The following ZBTB37 variants were observed in gnomAD, a reference collection of about 807,000 sequenced individuals.
ZBTB37 encodes the protein zinc finger and BTB domain-containing protein 37.
In ZBTB37, 15 loss-of-function variants were observed where a neutral mutation model predicts 37.7. That is an observed-to-expected ratio of 0.40 (90% CI 0.27 to 0.61). The LOEUF is 0.61. Ranked by LOEUF, ZBTB37 falls within the 20% of genes least tolerant of loss-of-function variation. ZBTB37 has a pLI of 0.44. For synonymous variants in ZBTB37, 231 were observed against 220.6 expected (o/e 1.05, Z -0.42); for missense variants, 514 against 641.9 (o/e 0.80, Z 2.15).
intron 4 of ZBTB37, among the ~76,000 whole-genome samples, chr1:173,879,011 A>G (rs1266406673): frequency 6.6e-6 from 1 of 151,818 alleles, no homozygotes; most frequent in African/African-American, 2.4e-5. Context: ...GAATCGTTTG[A>G]ACCCGGGAGG....
At chr1:173,896,465 C>G (rs1197523302) in exon 4 of ZBTB37, 1 of 152,140 alleles carries the variant, frequency 6.6e-6, no homozygotes, top group Non-Finnish European at 1.5e-5. Flanking sequence ...TTGGGCCCTC[C>G]TATAGATTCT....
chr1:173,882,773 A>G (rs1039462031), intron 4 of ZBTB37, among the ~76,000 whole-genome samples: 7 of 152,270 alleles, frequency 4.6e-5, no homozygotes, highest in Admixed American at 6.5e-5. Flanking sequence ...TAAGGAAGGG[A>G]TCCAGTTTCA....
At chr1:173,884,004 T>C (rs1286496415) in intron 4 of ZBTB37, among the ~76,000 whole-genome samples, 1 of 152,226 alleles carries the variant, frequency 6.6e-6, no homozygotes, top group African/African-American at 2.4e-5. Flanking sequence ...GTTAAACATA[T>C]AATTCCCTCC....
At chr1:173,871,643 A>G (rs1157791323) in intron 3 of ZBTB37, among the ~76,000 whole-genome samples, 1 of 152,214 alleles carries the variant, frequency 6.6e-6, no homozygotes, top group Non-Finnish European at 1.5e-5. Flanking sequence ...TTAGTAAAAT[A>G]GTAATTCTGA....
intron 4 of ZBTB37, among the ~76,000 whole-genome samples, chr1:173,875,159 TGC>T (rs1332064539): frequency 2.2e-5 from 3 of 135,568 alleles, no homozygotes; most frequent in Admixed American, 8.0e-5. Flanking sequence ...TGTGTGTGTG[TGC>T]ACGTGTGTAC....
At chr1:173,878,543 C>T (rs1479970205) in intron 4 of ZBTB37, among the ~76,000 whole-genome samples, 1 of 152,194 alleles carries the variant, frequency 6.6e-6, no homozygotes, top group Non-Finnish European at 1.5e-5. Flanking sequence ...GATGGGGTCA[C>T]CAATGCCCAA....
exon 3 of ZBTB37, chr1:173,870,429 A>T: frequency 6.2e-7 from 1 of 1,614,226 alleles, no homozygotes; most frequent in East Asian, 2.2e-5. Flanking sequence ...AGATGAGTAC[A>T]GTCTCCATTT....
chr1:173,903,510 C>A, exon 4 of ZBTB37: 1 of 250,996 alleles, frequency 4.0e-6, no homozygotes, highest in Non-Finnish European at 7.9e-6. Context: ...GAACATTATG[C>A]ATGTGAGTGG....
chr1:173,871,757 A>G lies in ZBTB37; in HGVS notation c.923+609A>G, dbSNP rs149043232. ...GACTGCTGCTACCACAGGCCTGACA[A>G]TCTCCCTTTTTTTCACCAGTGCTGC... On this transcript the variant is annotated intron_variant, in intron 3 of 4. Coordinates refer to ENST00000427304, the Ensembl canonical transcript of ZBTB37. 1.8e-4 allele frequency among the ~76,000 whole-genome samples: 27 copies of G among 151,824 alleles called. No homozygotes were observed. In the East Asian group the frequency reaches 4.8e-3, roughly 27 times the overall value.
downstream of ZBTB37, chr1:173,890,717 C>T (rs2102757370): frequency 6.6e-6 from 1 of 152,256 alleles, no homozygotes; most frequent in Non-Finnish European, 1.5e-5. Context: ...AGTTTCCAGG[C>T]CAAATGCTGA....
In ZBTB37 at chr1:173,873,418, C is replaced by T. The variant is rs765454329; in HGVS notation, c.924-49C>T. 3 of 1,517,246 alleles carry T rather than the reference C, an allele frequency of 2.0e-6. No homozygotes were observed. In the South Asian group the frequency reaches 3.9e-5, roughly 20 times the overall value. The allele number at this position is 1,517,246 out of a possible 1,614,324, so 94.0% of individuals were successfully genotyped here. A position where few individuals can be genotyped will look rare whatever the true frequency, so the allele number is the denominator to read the frequency against. ...GGGCGACATCACCATTTTTCAGGTTCTTTGATGCTGCTTTTGTATTAGTCC... is the reference window on the plus strand; with the variant it reads ...GGGCGACATCACCATTTTTCAGGTTTTTTGATGCTGCTTTTGTATTAGTCC... On this transcript the variant is annotated intron_variant, in intron 3 of 4. Coordinates refer to ENST00000427304, the Ensembl canonical transcript of ZBTB37.
downstream of ZBTB37, chr1:173,891,153 C>A (rs1168038180): frequency 6.6e-6 from 1 of 152,058 alleles, no homozygotes; most frequent in Non-Finnish European, 1.5e-5. Context: ...TTAATGGTGC[C>A]GGTATTTTAA....
chr1:173,886,167 A>G (rs1656612956), exon 5 of ZBTB37: 4 of 1,513,106 alleles, frequency 2.6e-6, no homozygotes, highest in East Asian at 2.5e-5. Context: ...CCTATGAGCC[A>G]TAAGCAGCCA....
chr1:173,875,114 TTATGTGTG>T (rs1358380241), intron 4 of ZBTB37, among the ~76,000 whole-genome samples: 1 of 93,384 alleles, frequency 1.1e-5, no homozygotes, highest in Non-Finnish European at 2.1e-5. Context: ...AGTCTGATTA[TTATGTGTG>T]TGTGTGTGTG....
intron 4 of ZBTB37, among the ~76,000 whole-genome samples, chr1:173,875,061 C>T (rs1655855915): frequency 6.6e-6 from 1 of 150,730 alleles, no homozygotes; most frequent in African/African-American, 2.4e-5. Context: ...CCCAGAAAAC[C>T]ACATACAGGT....
exon 3 of ZBTB37, chr1:173,870,790 C>T: frequency 6.2e-7 from 1 of 1,614,214 alleles, no homozygotes; most frequent in Non-Finnish European, 8.5e-7. Context: ...AGAGCTAAGT[C>T]CTCCTGAGGA....
downstream of ZBTB37, chr1:173,888,616 CGGTGTCTCTACAAAATTTGCCTA>C (rs1656722902): frequency 6.6e-6 from 1 of 151,538 alleles, no homozygotes; most frequent in Non-Finnish European, 1.5e-5. Context: ...TTTGTAGAGA[CGGTGTCTCTACAAAATTTGCCTA>C]GGTTGGTCTT....
chr1:173,884,736 A>G (rs986802283), intron 4 of ZBTB37, among the ~76,000 whole-genome samples: 5 of 152,256 alleles, frequency 3.3e-5, no homozygotes, highest in African/African-American at 1.2e-4. Context: ...ATATGTTGCC[A>G]TTATATATTC....
chr1:173,870,867 C>G (rs372954076), exon 3 of ZBTB37: 7 of 1,614,230 alleles, frequency 4.3e-6, no homozygotes, highest in Non-Finnish European at 5.9e-6. Context: ...TTCTTCGGAT[C>G]AACCGAGCAG....
Sources: allele counts gnomAD v4.1 joint callset (sites outside exome capture counted in the v4.1 genomes callset), GRCh38; gene constraint gnomAD v4.1.1; transcripts MANE v1.5; gene names NCBI Gene and HGNC (gene_info 2026-07-23, HGNC 2026-07-21).